Variants in ITPR2 observed in about 807,000 individuals in gnomAD.
ITPR2 encodes inositol 1,4,5-trisphosphate receptor type 2.
ITPR2 carries 207 observed loss-of-function variants against 317.1 expected under a neutral mutation model. The observed-to-expected ratio is 0.65, with a 90% CI of 0.58 to 0.73. The LOEUF is 0.73. Ranked by LOEUF, ITPR2 falls within the 30% of genes least tolerant of loss-of-function variation. The pLI is 0.00. For missense variants in ITPR2, 2,613 were observed against 3,284.0 expected, an observed-to-expected ratio of 0.80 and a Z score of 4.99; for synonymous variants, 1,156 against 1,149.1, an observed-to-expected ratio of 1.01 and a Z score of -0.12.
rs1353784171 is a variant in ITPR2, at chr12:26,419,208, A to G, written c.6951T>C (p.Cys2317=). 1 of 1,613,278 alleles carries G rather than the reference A, an allele frequency of 6.2e-7. No individual in the cohort carries two copies. The highest frequency in any genetic ancestry group is 1.3e-5 in the African/African-American group (1 of 74,892). ...AACTCACCAGAAAAACAATTTTATT[A>G]CAAAGCTAAAGGGAGGAAAGGGTTA... ...TLILLGAANL[C]NKIVFLVSFV... is the part of the protein sequence containing the mutation. The change falls in exon 50 of 57, where the codon TGT becomes TGC. Residue 2317 remains cysteine, a synonymous_variant. Coordinates refer to ENST00000381340, the MANE Select transcript of ITPR2 (RefSeq NM_002223.4).
chr12:26,589,777 ACT>A (rs1322615035), intron 32 of ITPR2, among the ~76,000 whole-genome samples: 1 of 113,622 alleles, frequency 8.8e-6, no homozygotes, highest in East Asian at 2.0e-4. Flanking sequence ...AAAGAACGAA[ACT>A]CTGTTTCAAA....
chr12:26,722,083 C>G (rs1948848808), intron 5 of ITPR2, among the ~76,000 whole-genome samples: 1 of 152,150 alleles, frequency 6.6e-6, no homozygotes, highest in Non-Finnish European at 1.5e-5. Context: ...TCCTTATGAC[C>G]AAGCTTCCTC....
intron 54 of ITPR2, among the ~76,000 whole-genome samples, chr12:26,388,241 C>T (rs948862993): frequency 6.6e-6 from 1 of 152,074 alleles, no homozygotes; most frequent in Admixed American, 6.6e-5. Context: ...TAATAAAATT[C>T]TTTTCTCTCA....
chr12:26,781,151 G>T (rs1459997624), intron 2 of ITPR2, among the ~76,000 whole-genome samples: 1 of 152,198 alleles, frequency 6.6e-6, no homozygotes, highest in Non-Finnish European at 1.5e-5. Context: ...AAATGGCCCA[G>T]ACCCTTCAGG....
At chr12:26,654,171 G>C in intron 20 of ITPR2, 45 bp from the exon 21 acceptor site, 1 of 1,416,606 alleles carries the variant, frequency 7.1e-7, no homozygotes, top group Non-Finnish European at 9.4e-7. Context: ...TGAAAGAGTG[G>C]AAAAAAAAAT....
At position 26,695,645 on chromosome 12, in the gene ITPR2, A is replaced by G. The variant is rs1438075882; in HGVS notation, c.957T>C (p.Asn319=). The G allele has an allele frequency of 6.2e-7, 1 of 1,612,452 alleles. No individual in the cohort carries two copies. The highest frequency in any genetic ancestry group is 8.5e-7 in the Non-Finnish European group (1 of 1,178,736). ...ATGNYLAAEL[N]PDYRDAQNEG... is the part of the protein sequence containing the mutation. ...CATTTTGGGCATCTCGATAATCAGG[A>G]TTAAGCTAGAAAAACAAAGGAAAAT... The change falls in exon 10 of 57, where the codon AAT becomes AAC. Residue 319 remains asparagine, a synonymous_variant. Transcript: ENST00000381340.
rs1163832490 is a variant in ITPR2, at chr12:26,350,890, T to TGCATCAGCTA, written c.7858-10572_7858-10563dup. Among the ~76,000 whole-genome samples the TGCATCAGCTA allele has an allele frequency of 4.6e-5, 7 of 152,342 alleles. No individual in the cohort carries two copies. In the East Asian group the frequency reaches 1.3e-3, roughly 29 times the overall value. ...CCATAAGCCTTAGCTGTCTACAGAA[T>TGCATCAGCTA]GCATCAGCTACATCTGCTCATGGTG... On this transcript the variant is annotated intron_variant, in intron 55 of 56. Coordinates refer to ENST00000381340, the MANE Select transcript of ITPR2 (RefSeq NM_002223.4).
chr12:26,407,346 G>C (rs1222430924), intron 52 of ITPR2, among the ~76,000 whole-genome samples: 2 of 152,186 alleles, frequency 1.3e-5, no homozygotes, highest in Non-Finnish European at 2.9e-5. Flanking sequence ...TTTTGGGCTA[G>C]ATGATTCTTT....
intron 45 of ITPR2, among the ~76,000 whole-genome samples, chr12:26,448,011 A>AAC (rs1941652776): frequency 6.6e-6 from 1 of 151,308 alleles, no homozygotes; most frequent in Non-Finnish European, 1.5e-5. Flanking sequence ...TTAAAAAAAA[A>AAC]AAAACCCAGC....
intron 48 of ITPR2, among the ~76,000 whole-genome samples, chr12:26,434,916 A>G (rs1439994837): frequency 6.6e-6 from 1 of 152,222 alleles, no homozygotes; most frequent in African/African-American, 2.4e-5. Flanking sequence ...GTTTATCACC[A>G]AAGGAGACCA....
At chr12:26,691,594 A>G (rs1948242074) in intron 10 of ITPR2, among the ~76,000 whole-genome samples, 2 of 152,132 alleles carry the variant, frequency 1.3e-5, no homozygotes. Context: ...AAATGCCCCT[A>G]CGAAAAGCCA....
chr12:26,805,241 G>A (rs991419455), intron 1 of ITPR2, among the ~76,000 whole-genome samples: 6 of 152,116 alleles, frequency 3.9e-5, no homozygotes, highest in Non-Finnish European at 5.9e-5. Flanking sequence ...TCGTTTCTCT[G>A]GCCTAACTAC....
chr12:26,832,803 G>A lies in ITPR2; in HGVS notation c.-22C>T, dbSNP rs770086092. ...TCATGCTGCTTCATGTTCCACAGTGGACGTCCCTCTTCTTCCCTGCGCCCT... is the reference window on the plus strand; with the variant it reads ...TCATGCTGCTTCATGTTCCACAGTGAACGTCCCTCTTCTTCCCTGCGCCCT... On this transcript the variant is annotated 5_prime_UTR_variant, in exon 1 of 57. Transcript: ENST00000381340. 14 of 1,566,030 alleles carry A rather than the reference G, an allele frequency of 8.9e-6. No individual in the cohort carries two copies. Among genetic ancestry groups the A allele is most frequent in the Non-Finnish European group, 1.1e-5 (13 of 1,143,224 alleles).
Position 26,771,108 on chromosome 12 carries a change from A to C in ITPR2, c.163+19049T>G, listed in dbSNP as rs763904558. On this transcript the variant is annotated intron_variant, in intron 2 of 56. Coordinates refer to ENST00000381340, the MANE Select transcript of ITPR2 (RefSeq NM_002223.4). ...AAGGCGATCTCATCTCAAGATCCTT[A>C]ATTTAATTTGCATAGACCATTTTTC... Among the ~76,000 whole-genome samples the C allele has an allele frequency of 2.5e-4, 38 of 152,340 alleles. 1 individual carries two copies. Among genetic ancestry groups the C allele is most frequent in the Middle Eastern group, 3.4e-3 (1 of 294 alleles).
chr12:26,523,648 T>A (rs2136944412), intron 37 of ITPR2, among the ~76,000 whole-genome samples: 1 of 152,166 alleles, frequency 6.6e-6, no homozygotes, highest in East Asian at 1.9e-4. Context: ...TAAACTCAGC[T>A]CTTCAGGGGC....
At chr12:26,349,590 G>A (rs936395546) in intron 55 of ITPR2, among the ~76,000 whole-genome samples, 1 of 152,218 alleles carries the variant, frequency 6.6e-6, no homozygotes, top group Non-Finnish European at 1.5e-5. Context: ...ATAAATTTGT[G>A]AATTTTTACA....
intron 37 of ITPR2, among the ~76,000 whole-genome samples, chr12:26,521,217 G>A (rs1445037105): frequency 6.6e-6 from 1 of 152,036 alleles, no homozygotes; most frequent in African/African-American, 2.4e-5. Flanking sequence ...TAGTTCATTT[G>A]CAAAGAAAAG....
intron 35 of ITPR2, among the ~76,000 whole-genome samples, chr12:26,559,397 G>A (rs987617453): frequency 6.6e-6 from 1 of 152,206 alleles, no homozygotes; most frequent in African/African-American, 2.4e-5. Flanking sequence ...CCAAGATCAG[G>A]CACCAGCAGA....
intron 1 of ITPR2, among the ~76,000 whole-genome samples, chr12:26,809,713 C>A (rs1029843852): frequency 6.6e-6 from 1 of 152,130 alleles, no homozygotes; most frequent in Non-Finnish European, 1.5e-5. Context: ...GCTGTTCTTA[C>A]GGCTTGATGG....
Sources: allele counts gnomAD v4.1 joint callset (sites outside exome capture counted in the v4.1 genomes callset), GRCh38; gene constraint gnomAD v4.1.1; transcripts MANE v1.5; gene names NCBI Gene and HGNC (gene_info 2026-07-23, HGNC 2026-07-21).